C6orf163: variants seen among roughly 807,000 people sequenced by gnomAD.
C6orf163 encodes the protein chromosome 6 open reading frame 163.
A neutral mutation model predicts 28.4 loss-of-function variants in C6orf163; 22 were observed. That is an observed-to-expected ratio of 0.78 (90% CI 0.55 to 1.11). The LOEUF (loss-of-function observed/expected upper bound fraction) is 1.11, where lower values mean the gene tolerates loss of function less well. C6orf163 is among the 50% of genes least tolerant of loss of function. The pLI is 0.00. For missense variants in C6orf163, 342 were observed against 389.1 expected, an observed-to-expected ratio of 0.88 and a Z score of 1.02; for synonymous variants, 110 against 123.6, an observed-to-expected ratio of 0.89 and a Z score of 0.73.
intron 4 of C6orf163, among the ~76,000 whole-genome samples, chr6:87,359,394 A>C (rs1777550614): frequency 6.6e-6 from 1 of 152,238 alleles, no homozygotes; most frequent in Admixed American, 6.5e-5. Flanking sequence ...TGCACTGCTG[A>C]ATGCTGGCAT....
At position 87,348,860 on chromosome 6, in the gene C6orf163, T is replaced by C. The variant is rs1257845477; in HGVS notation, c.197T>C (p.Ile66Thr). 4 of 1,537,520 alleles carry C rather than the reference T, an allele frequency of 2.6e-6. No individual in the cohort carries two copies. The highest frequency in any genetic ancestry group is 2.4e-5 in the East Asian group (1 of 40,928). ...AAAGAAGAGCAGTTTCAAGAAGATA[T>C]ACTCAGAGAACACATTGCGAAAGCA... ...LKKEEQFQED[I>T]LREHIAKAEA... The change falls in exon 2 of 5, where the codon ATA (isoleucine) becomes ACA (threonine). Residue 66 changes from isoleucine (I) to threonine (T), a missense_variant. Ile to Thr is a moderately conservative substitution (Grantham distance 89). Coordinates refer to ENST00000388923, the MANE Select transcript of C6orf163 (RefSeq NM_001010868.3).
chr6:87,356,676 G>T (rs752204554), intron 4 of C6orf163, among the ~76,000 whole-genome samples, 173 bp downstream of exon 4: 13 of 152,078 alleles, frequency 8.5e-5, no homozygotes, highest in African/African-American at 1.2e-4. Flanking sequence ...GTATGTGTGT[G>T]GTTTAAAGAA....
rs1562229282 is a variant in C6orf163, at chr6:87,350,439, G to A, written c.289G>A (p.Ala97Thr). 6.5e-7 allele frequency: 1 copy of A among 1,536,122 alleles called. No individual in the cohort carries two copies. The highest frequency in any genetic ancestry group is 2.4e-5 in the East Asian group (1 of 40,874). ...AGCAGTGGAGAAAGCACTTGAAGAA[G>A]CAAATGACAGACACAAAATTGAAAT... is the stretch of plus-strand genomic sequence containing the variant. ...KQAVEKALEE[A>T]NDRHKIEIQI... Residue 97 changes from alanine (A) to threonine (T), a missense_variant, in exon 3 of 5, where the codon GCA becomes ACA. Coordinates refer to ENST00000388923, the MANE Select transcript of C6orf163 (RefSeq NM_001010868.3).
At chr6:87,362,044 T>A (rs1336903775) in intron 4 of C6orf163, among the ~76,000 whole-genome samples, 1 of 152,180 alleles carries the variant, frequency 6.6e-6, no homozygotes, top group Non-Finnish European at 1.5e-5. Context: ...AAATGTATAG[T>A]GCCCACTCAT....
chr6:87,353,488 G>A (rs943291240), intron 3 of C6orf163, among the ~76,000 whole-genome samples: 26 of 149,664 alleles, frequency 1.7e-4, no homozygotes, highest in Admixed American at 8.0e-4. Flanking sequence ...AAAAAATTCA[G>A]GCATACAACG....
intron 3 of C6orf163, among the ~76,000 whole-genome samples, chr6:87,354,315 A>ACAAAGAGCAAAGATTAAATTT (rs1305197072): frequency 2.6e-5 from 4 of 152,204 alleles, no homozygotes. Flanking sequence ...TTTGATACCT[A>ACAAAGAGCAAAGATTAAATTT]CAAAGAGCAA....
At chr6:87,348,991 G>T (rs1777372463) in intron 2 of C6orf163, 85 bp downstream of exon 2, 3 of 1,493,466 alleles carry the variant, frequency 2.0e-6, no homozygotes, top group Non-Finnish European at 2.7e-6. Context: ...GTATAGTGTA[G>T]TAGTCAGAAC....
chr6:87,347,127 C>T (rs1318192277), intron 1 of C6orf163, among the ~76,000 whole-genome samples: 1 of 152,230 alleles, frequency 6.6e-6, no homozygotes, highest in East Asian at 1.9e-4. Flanking sequence ...CTGTCACTCT[C>T]TTCTCCCCAA....
intron 1 of C6orf163, chr6:87,348,413 C>T (rs60071928): frequency 2.0e-6 from 2 of 990,724 alleles, no homozygotes; most frequent in East Asian, 2.2e-4. Context: ...TTCCACTTCC[C>T]TTCTCCTGAT....
At position 87,361,441 on chromosome 6, in the gene C6orf163, G is replaced by C. The variant is rs184641084; in HGVS notation, c.555-3520G>C. On this transcript the variant is annotated intron_variant, in intron 4 of 4. Coordinates refer to ENST00000388923, the MANE Select transcript of C6orf163 (RefSeq NM_001010868.3). The stretch of plus-strand genomic sequence containing the variant: ...AGATATACATTATTGGATCACTTTT[G>C]CCTGACTCAATTCTGGTAGAGCCTT... 3.3e-5 allele frequency among the ~76,000 whole-genome samples: 5 copies of C among 152,238 alleles called. No individual in the cohort carries two copies. In the East Asian group the frequency reaches 9.7e-4, roughly 29 times the overall value.
intron 3 of C6orf163, 106 bp from the exon 4 acceptor site, chr6:87,356,195 T>C: frequency 1.1e-6 from 1 of 905,344 alleles, no homozygotes; most frequent in Non-Finnish European, 1.7e-6. Context: ...TGTTAACAGG[T>C]ACACTTGCTA....
At chr6:87,362,320 T>A (rs1047395121) in intron 4 of C6orf163, among the ~76,000 whole-genome samples, 2 of 152,062 alleles carry the variant, frequency 1.3e-5, no homozygotes, top group African/African-American at 4.8e-5. Flanking sequence ...CTACTAAAAA[T>A]ACAAAAATTA....
chr6:87,355,198 C>T (rs1777480802), intron 3 of C6orf163, among the ~76,000 whole-genome samples: 1 of 152,186 alleles, frequency 6.6e-6, no homozygotes, highest in African/African-American at 2.4e-5. Context: ...CTAGTTCTTC[C>T]ATTGATGTGC....
intron 2 of C6orf163, 77 bp from the exon 3 acceptor site, chr6:87,350,317 C>T: frequency 1.1e-6 from 1 of 874,372 alleles, no homozygotes; most frequent in South Asian, 1.6e-5. Context: ...ACCTGATTTA[C>T]CAACATCCTA....
At chr6:87,347,145 C>T (rs1207056184) in intron 1 of C6orf163, among the ~76,000 whole-genome samples, 1 of 152,168 alleles carries the variant, frequency 6.6e-6, no homozygotes, top group Non-Finnish European at 1.5e-5. Flanking sequence ...CAAACTTGAA[C>T]CCCTGACAAC....
At chr6:87,348,556 T>A in intron 1 of C6orf163, 17 of 1,203,768 alleles carry the variant, frequency 1.4e-5, no homozygotes, top group Non-Finnish European at 1.8e-5. Flanking sequence ...TTATTTCACC[T>A]CCCCAGTTGT....
chr6:87,363,798 A>G (rs1036630827), intron 4 of C6orf163, among the ~76,000 whole-genome samples: 44 of 152,252 alleles, frequency 2.9e-4, no homozygotes, highest in African/African-American at 9.9e-4. Flanking sequence ...ATAGTGCCGC[A>G]ATAAACATAC....
chr6:87,348,468 A>T (rs1020227111), intron 1 of C6orf163: 9 of 1,024,444 alleles, frequency 8.8e-6, no homozygotes, highest in Non-Finnish European at 9.4e-6. Flanking sequence ...AGAGAGCTGT[A>T]TAATGTGCTA....
chr6:87,363,915 G>C (rs1370444522), intron 4 of C6orf163, among the ~76,000 whole-genome samples: 5 of 152,086 alleles, frequency 3.3e-5, no homozygotes, highest in Non-Finnish European at 7.3e-5. Context: ...TTTGTGATGT[G>C]TGATATCACA....
Sources: gnomAD v4.1 joint callset for allele counts (sites outside exome capture counted in the v4.1 genomes callset) on GRCh38, gnomAD v4.1.1 for gene constraint, MANE v1.5 for transcripts, NCBI Gene and HGNC (gene_info 2026-07-23, HGNC 2026-07-21) for gene names.